The following CSMD1 variants were observed in gnomAD, a reference collection of about 807,000 sequenced individuals.
CSMD1 encodes CUB and sushi domain-containing protein 1.
In CSMD1, 213 loss-of-function variants were observed where a neutral mutation model predicts 417.5. That is an observed-to-expected ratio of 0.51 (90% confidence interval 0.46 to 0.57). The LOEUF (loss-of-function observed/expected upper bound fraction) is 0.57, where lower values mean the gene tolerates loss of function less well. Among genes scored for constraint, CSMD1 ranks in the 20% least tolerant of loss-of-function variants. CSMD1 has a pLI of 0.00. For synonymous variants in CSMD1, 2,862 were observed against 1,736.8 expected (o/e 1.65, Z -16.11); for missense variants, 6,923 against 4,529.7 (o/e 1.53, Z -15.17).
In CSMD1 at chr8:3,511,053, A is replaced by G. The variant is rs1259199438; in HGVS notation, c.1345-17327T>C. 4.6e-5 allele frequency among the ~76,000 whole-genome samples: 7 copies of G among 151,848 alleles called. No individual in the cohort carries two copies. The East Asian group carries it at 1.3e-3, about 29-fold the overall frequency. ...CACCATGGAATACTATGCAGCAATA[A>G]AAAAGGATGACTTGATGTCCTTTGC... On this transcript the variant is annotated intron_variant, in intron 10 of 69. Coordinates refer to ENST00000635120, the MANE Select transcript of CSMD1 (RefSeq NM_033225.6).
At chr8:3,203,706 A>T (rs1005729400) in intron 31 of CSMD1, among the ~76,000 whole-genome samples, 5 of 152,248 alleles carry the variant, frequency 3.3e-5, no homozygotes, top group Admixed American at 2.0e-4. Context: ...CATAAATAAC[A>T]GGAGTGACTA....
At chr8:4,302,233 A>C (rs927043287) in intron 3 of CSMD1, among the ~76,000 whole-genome samples, 1 of 152,246 alleles carries the variant, frequency 6.6e-6, no homozygotes, top group Non-Finnish European at 1.5e-5. Context: ...AAGGCCCAAA[A>C]GAAAAATGTA....
At chr8:4,306,113 A>G (rs1798229098) in intron 3 of CSMD1, among the ~76,000 whole-genome samples, 1 of 152,212 alleles carries the variant, frequency 6.6e-6, no homozygotes, top group Non-Finnish European at 1.5e-5. Context: ...TGCTTTTTAA[A>G]TAGTTGGTAA....
chr8:4,874,804 A>T lies in CSMD1; in HGVS notation c.85+119528T>A, dbSNP rs987985889. On this transcript the variant is annotated intron_variant, in intron 1 of 69. Coordinates refer to ENST00000635120, the MANE Select transcript of CSMD1 (RefSeq NM_033225.6). Reference sequence around the variant, plus strand: ...AGAGATAGACTTTTTGTGTGTGTATATATATATATTTACACACACACTTAA... The same window carrying T: ...AGAGATAGACTTTTTGTGTGTGTATTTATATATATTTACACACACACTTAA... Among the ~76,000 whole-genome samples the T allele has an allele frequency of 2.7e-5, 4 of 150,492 alleles. 1 individual carries two copies. The South Asian group carries it at 6.2e-4, about 23-fold the overall frequency.
chr8:3,844,604 G>A (rs1375281977), intron 5 of CSMD1, among the ~76,000 whole-genome samples: 1 of 152,080 alleles, frequency 6.6e-6, no homozygotes, highest in Admixed American at 6.5e-5. Flanking sequence ...AAAGGCAAGG[G>A]GGTGTCCTCC....
chr8:3,256,496 G>C (rs1422599369), intron 26 of CSMD1, among the ~76,000 whole-genome samples: 1 of 152,082 alleles, frequency 6.6e-6, no homozygotes, highest in African/African-American at 2.4e-5. Context: ...TATATCTATA[G>C]ATATATAAAA....
chr8:4,421,004 T>G (rs1001750539), intron 2 of CSMD1, among the ~76,000 whole-genome samples: 1 of 152,122 alleles, frequency 6.6e-6, no homozygotes, highest in Non-Finnish European at 1.5e-5. Context: ...TAAACTGCAG[T>G]ATCTGCTGTC....
At chr8:4,136,130 A>T (rs1385274558) in intron 3 of CSMD1, among the ~76,000 whole-genome samples, 1 of 152,232 alleles carries the variant, frequency 6.6e-6, no homozygotes, top group Non-Finnish European at 1.5e-5. Flanking sequence ...AGGACCTCTC[A>T]AAAAGAACTG....
chr8:3,280,811 C>T (rs549797532), intron 26 of CSMD1, among the ~76,000 whole-genome samples: 1 of 152,102 alleles, frequency 6.6e-6, no homozygotes, highest in East Asian at 1.9e-4. Context: ...TGAGAAGAAA[C>T]ATTTCCATGA....
intron 5 of CSMD1, among the ~76,000 whole-genome samples, chr8:3,971,968 G>T (rs1813121488): frequency 6.6e-6 from 1 of 151,950 alleles, no homozygotes; most frequent in Non-Finnish European, 1.5e-5. Context: ...AGTGCAGTGG[G>T]TGATCCTGGC....
intron 2 of CSMD1, among the ~76,000 whole-genome samples, chr8:4,462,790 C>A (rs1385780346): frequency 6.7e-6 from 1 of 150,144 alleles, no homozygotes; most frequent in East Asian, 1.9e-4. Flanking sequence ...CAAGAGGGTA[C>A]CCCTTCCTTA....
intron 21 of CSMD1, among the ~76,000 whole-genome samples, chr8:3,350,081 A>ACCTTCG (rs1563299044): frequency 4.4e-5 from 6 of 136,816 alleles, no homozygotes; most frequent in East Asian, 2.1e-4. Flanking sequence ...GTGTGTTATA[A>ACCTTCG]TACCTATAAT....
intron 5 of CSMD1, among the ~76,000 whole-genome samples, chr8:3,895,669 A>G (rs942811969): frequency 6.6e-6 from 1 of 152,240 alleles, no homozygotes; most frequent in Non-Finnish European, 1.5e-5. Flanking sequence ...TGAGACACAC[A>G]TATTTATAAT....
At chr8:3,236,019 G>A (rs908563822) in intron 26 of CSMD1, among the ~76,000 whole-genome samples, 16 of 145,286 alleles carry the variant, frequency 1.1e-4, no homozygotes, top group Non-Finnish European at 3.0e-5. Context: ...CCGGGTTCAC[G>A]CCATTCTCCT....
At position 2,938,434 on chromosome 8, in the gene CSMD1, G is replaced by A; in HGVS notation, c.*151C>T. On this transcript the variant is annotated 3_prime_UTR_variant, in exon 70 of 70. Transcript: ENST00000635120. ...TAGAAGACCCTGACACATTTGAGTA[G>A]AGATCCCCGCTGCACTTATGCCAGT... is the stretch of plus-strand genomic sequence containing the variant. 1.4e-6 allele frequency: 1 copy of A among 699,806 alleles called. No homozygotes were observed. The allele number at this position is 699,806 out of a possible 1,614,324, so 43.3% of individuals were successfully genotyped here.
intron 10 of CSMD1, among the ~76,000 whole-genome samples, chr8:3,514,644 C>T (rs1019071513): frequency 6.6e-5 from 10 of 152,054 alleles, no homozygotes; most frequent in African/African-American, 2.4e-4. Context: ...TCATATATAA[C>T]CCAGGCTACA....
At chr8:4,596,529 T>C (rs992144295) in intron 2 of CSMD1, among the ~76,000 whole-genome samples, 4 of 151,384 alleles carry the variant, frequency 2.6e-5, no homozygotes, top group Non-Finnish European at 5.9e-5. Context: ...AACAGTATTT[T>C]CTCACCAAGC....
chr8:3,544,154 A>C lies in CSMD1; in HGVS notation c.1344+30791T>G, dbSNP rs553480919. 4.6e-4 allele frequency among the ~76,000 whole-genome samples: 70 copies of C among 152,240 alleles called. 1 individual carries two copies. In the South Asian group the frequency reaches 0.011, roughly 24 times the overall value. ...CTGGGACGTGCTGGGCTGCATCCCT[A>C]GAAAGTTATGTATTCCTAGCCTCTA... On this transcript the variant is annotated intron_variant, in intron 10 of 69. Coordinates refer to ENST00000635120, the MANE Select transcript of CSMD1 (RefSeq NM_033225.6).
intron 57 of CSMD1, 83 bp from the exon 58 acceptor site, chr8:2,966,829 G>T (rs113128454): frequency 2.4e-6 from 3 of 1,259,890 alleles, no homozygotes; most frequent in East Asian, 5.0e-5. Context: ...ATGGGTATCA[G>T]TGCAATAGAC....
Sources: allele counts gnomAD v4.1 joint callset (sites outside exome capture counted in the v4.1 genomes callset), GRCh38; gene constraint gnomAD v4.1.1; transcripts MANE v1.5; gene names NCBI Gene and HGNC (gene_info 2026-07-23, HGNC 2026-07-21).